Variants in DCC observed in about 807,000 individuals in gnomAD.
The protein encoded by DCC is DCC netrin 1 receptor, also known as netrin receptor DCC.
DCC carries 58 observed loss-of-function variants against 172.5 expected under a neutral mutation model. The ratio of observed to expected loss-of-function variants is 0.34; its 90% CI spans 0.27 to 0.42. DCC has a LOEUF of 0.42. Ranked by LOEUF, DCC falls within the 10% of genes least tolerant of loss-of-function variation. The pLI is 1.00. For missense variants in DCC, 1,740 were observed against 1,791.0 expected, an observed-to-expected ratio of 0.97 and a Z score of 0.51; for synonymous variants, 709 against 644.5, an observed-to-expected ratio of 1.10 and a Z score of -1.52.
intron 1 of DCC, among the ~76,000 whole-genome samples, chr18:52,436,535 T>A (rs1004766314): frequency 1.4e-4 from 22 of 152,178 alleles, no homozygotes; most frequent in African/African-American, 5.3e-4. Flanking sequence ...ACTTACCATC[T>A]CCATTGTAAC....
chr18:53,496,195 C>T (rs1292599949), intron 26 of DCC, among the ~76,000 whole-genome samples: 1 of 152,136 alleles, frequency 6.6e-6, no homozygotes, highest in Non-Finnish European at 1.5e-5. Context: ...TGACAGACAC[C>T]TCATATAGGC....
chr18:53,189,000 A>C (rs1370803942), intron 9 of DCC, among the ~76,000 whole-genome samples: 4 of 152,188 alleles, frequency 2.6e-5, no homozygotes, highest in African/African-American at 9.7e-5. Context: ...ATAAGGTCAC[A>C]TTCTGAGGTT....
intron 9 of DCC, among the ~76,000 whole-genome samples, chr18:53,204,070 T>C (rs920941747): frequency 3.6e-5 from 5 of 140,312 alleles, no homozygotes; most frequent in Admixed American, 1.4e-4. Flanking sequence ...ACTGCAAATA[T>C]ATAGTTACAT....
At chr18:53,419,720 A>C (rs1382420484) in intron 21 of DCC, among the ~76,000 whole-genome samples, 1 of 152,160 alleles carries the variant, frequency 6.6e-6, no homozygotes, top group Non-Finnish European at 1.5e-5. Context: ...TCTCCATTTT[A>C]GCAAGGAAGA....
At chr18:52,386,391 T>A (rs1297895080) in intron 1 of DCC, among the ~76,000 whole-genome samples, 1 of 152,132 alleles carries the variant, frequency 6.6e-6, no homozygotes, top group Non-Finnish European at 1.5e-5. Flanking sequence ...TGATGAAATG[T>A]CATTAGGGGA....
At chr18:52,598,332 C>T (rs1285721606) in intron 1 of DCC, among the ~76,000 whole-genome samples, 1 of 152,160 alleles carries the variant, frequency 6.6e-6, no homozygotes, top group South Asian at 2.1e-4. Flanking sequence ...TCATTCAAGA[C>T]CCCTGATGGG....
At chr18:53,293,286 G>C (rs1598991346) in intron 12 of DCC, among the ~76,000 whole-genome samples, 2 of 152,168 alleles carry the variant, frequency 1.3e-5, no homozygotes, top group South Asian at 4.1e-4. Flanking sequence ...CACTACACTT[G>C]ATCTTAGCCA....
chr18:52,988,485 T>C (rs898094943), intron 5 of DCC, among the ~76,000 whole-genome samples: 5 of 152,124 alleles, frequency 3.3e-5, no homozygotes, highest in African/African-American at 1.2e-4. Context: ...ATTTAAAAAA[T>C]GAGAGACTCC....
intron 7 of DCC, among the ~76,000 whole-genome samples, chr18:53,113,973 G>A (rs979368519): frequency 3.3e-5 from 5 of 151,304 alleles, no homozygotes. Context: ...ATTTTCTGAA[G>A]CTTTCATTCT....
At chr18:52,991,500 T>C (rs2041391558) in intron 5 of DCC, among the ~76,000 whole-genome samples, 1 of 152,190 alleles carries the variant, frequency 6.6e-6, no homozygotes, top group South Asian at 2.1e-4. Context: ...AGTGGTTTAT[T>C]CTGCCAACCC....
intron 14 of DCC, among the ~76,000 whole-genome samples, chr18:53,324,759 AT>A (rs963824702): frequency 6.6e-6 from 1 of 152,050 alleles, no homozygotes; most frequent in African/African-American, 2.4e-5. Context: ...ATAAATAGTT[AT>A]TTTTTTCTAT....
At chr18:52,975,652 C>T (rs1200594393) in intron 5 of DCC, among the ~76,000 whole-genome samples, 1 of 152,078 alleles carries the variant, frequency 6.6e-6, no homozygotes, top group Non-Finnish European at 1.5e-5. Flanking sequence ...AGGATAATGG[C>T]TTCCAAATCC....
At chr18:53,304,016 G>A (rs34094552) in intron 12 of DCC, among the ~76,000 whole-genome samples, 15,637 of 152,058 alleles carry the variant, frequency 0.1, 926 homozygotes, top group Middle Eastern at 0.18. Flanking sequence ...TCTCCTACCC[G>A]ACTATCCCCA....
chr18:53,455,018 T>C (rs938502340), intron 23 of DCC, among the ~76,000 whole-genome samples: 3 of 152,230 alleles, frequency 2.0e-5, no homozygotes, highest in African/African-American at 7.2e-5. Context: ...AATGGACAAT[T>C]AGGGGCTAGA....
At chr18:53,066,389 A>ATG (rs1568281734) in intron 7 of DCC, among the ~76,000 whole-genome samples, 3 of 92,004 alleles carry the variant, frequency 3.3e-5, no homozygotes, top group African/African-American at 1.6e-4. Flanking sequence ...ATATATATAT[A>ATG]TATATATATG....
At chr18:52,521,168 T>G (rs969356334) in intron 1 of DCC, among the ~76,000 whole-genome samples, 4 of 138,986 alleles carry the variant, frequency 2.9e-5, no homozygotes, top group African/African-American at 9.9e-5. Flanking sequence ...AATGCATACT[T>G]GAATTGTGAA....
chr18:53,108,738 T>TCGTC (rs1019661606), intron 7 of DCC, among the ~76,000 whole-genome samples: 2 of 151,572 alleles, frequency 1.3e-5, no homozygotes, highest in Admixed American at 1.3e-4. Flanking sequence ...TTTGGGAGAG[T>TCGTC]CGTCCATGTT....
At chr18:52,823,853 C>T (rs2038455501) in intron 2 of DCC, among the ~76,000 whole-genome samples, 1 of 152,108 alleles carries the variant, frequency 6.6e-6, no homozygotes, top group Non-Finnish European at 1.5e-5. Context: ...CAACATAAAA[C>T]TTTTATGTCC....
chr18:52,914,567 A>ATATC (rs2040014484), intron 3 of DCC, among the ~76,000 whole-genome samples: 1 of 152,144 alleles, frequency 6.6e-6, no homozygotes, highest in Non-Finnish European at 1.5e-5. Context: ...TTACAGCCAG[A>ATATC]TGGAAGTTTT....
Sources: gnomAD v4.1 joint callset for allele counts (sites outside exome capture counted in the v4.1 genomes callset) on GRCh38, gnomAD v4.1.1 for gene constraint, MANE v1.5 for transcripts, NCBI Gene and HGNC (gene_info 2026-07-23, HGNC 2026-07-21) for gene names.